Variants in MGRN1 observed in about 807,000 individuals in gnomAD.
The protein encoded by MGRN1 is E3 ubiquitin-protein ligase MGRN1.
In MGRN1, 29 loss-of-function variants were observed where a neutral mutation model predicts 69.2. The observed-to-expected ratio is 0.42, with a 90% CI of 0.31 to 0.57. The LOEUF is 0.57. MGRN1 is among the 20% of genes least tolerant of loss of function. The pLI, the probability that MGRN1 is intolerant of heterozygous loss-of-function variation, is 0.15. For synonymous variants in MGRN1, 470 were observed against 344.2 expected (o/e 1.37, Z -4.04); for missense variants, 998 against 796.2 (o/e 1.25, Z -3.05).
intron 12 of MGRN1, among the ~76,000 whole-genome samples, chr16:4,681,173 G>GC (rs2079174182): frequency 6.6e-6 from 1 of 152,168 alleles, no homozygotes; most frequent in South Asian, 2.1e-4. Flanking sequence ...CGTGTCTCTC[G>GC]CCTCTGGCAT....
chr16:4,655,654 G>A (rs1005544737), intron 4 of MGRN1, among the ~76,000 whole-genome samples: 17 of 152,082 alleles, frequency 1.1e-4, no homozygotes, highest in African/African-American at 4.1e-4. Context: ...CAGTGCCACT[G>A]TCCCCCTCTC....
rs373572089 is a variant in MGRN1, at chr16:4,650,317, CAAA to C, written c.89-32_89-30del. 0.011 allele frequency: 13,252 copies of C among 1,205,988 alleles called. 349 individuals are homozygous for C. In the African/African-American group the frequency reaches 0.15, roughly 14 times the overall value. 74.7% of individuals were successfully genotyped at this position (1,205,988 alleles called of 1,614,324 possible). A position where few individuals can be genotyped will look rare whatever the true frequency, so the allele number is the denominator to read the frequency against. ...TGCACTCTAGCCTGAGACTCTGTCTCAAAAAAAAAAAAAAAAAATCTATAATCG... is the reference window on the plus strand; with the variant it reads ...TGCACTCTAGCCTGAGACTCTGTCTCAAAAAAAAAAAAAAATCTATAATCG... On this transcript the variant is annotated intron_variant, in intron 1 of 16. Transcript: ENST00000262370.
intron 11 of MGRN1, 29 bp downstream of exon 11, chr16:4,677,601 G>A (rs1431135378): frequency 8.8e-6 from 14 of 1,590,558 alleles, no homozygotes; most frequent in Non-Finnish European, 1.1e-5. Context: ...CTGCGGGATG[G>A]GCGGGAGAGG....
chr16:4,688,480 C>G (rs1052318562), intron 16 of MGRN1: 1 of 1,142,608 alleles, frequency 8.8e-7, no homozygotes, highest in South Asian at 3.8e-5. Context: ...GAAACCGGAA[C>G]CAGGGCAAGG....
At chr16:4,651,908 C>G in intron 2 of MGRN1, 55 bp from the exon 3 acceptor site, 1 of 1,533,536 alleles carries the variant, frequency 6.5e-7, no homozygotes. Context: ...GACCCGTTTT[C>G]TGTTGTTGGC....
chr16:4,627,124 GGT>G (rs530643951), intron 1 of MGRN1, among the ~76,000 whole-genome samples: 30 of 152,284 alleles, frequency 2.0e-4, no homozygotes, highest in Middle Eastern at 3.4e-3. Context: ...GCAGCATTTT[GGT>G]GTGTTTCCCC....
At chr16:4,655,378 C>G (rs1160749697) in intron 4 of MGRN1, among the ~76,000 whole-genome samples, 1 of 152,218 alleles carries the variant, frequency 6.6e-6, no homozygotes, top group African/African-American at 2.4e-5. Context: ...TCCTAGACCC[C>G]TGCGGGCTAG....
chr16:4,678,857 C>T (rs76794753), intron 11 of MGRN1, among the ~76,000 whole-genome samples: 2,939 of 152,364 alleles, frequency 0.019, 39 homozygotes, highest in Non-Finnish European at 0.025. Flanking sequence ...TAGAAGGCTC[C>T]TCCCAAGCCC....
chr16:4,654,741 C>T (rs1286425399), intron 4 of MGRN1, among the ~76,000 whole-genome samples: 1 of 152,186 alleles, frequency 6.6e-6, no homozygotes, highest in African/African-American at 2.4e-5. Flanking sequence ...GTGACAGGTG[C>T]TCTTGAAAGG....
chr16:4,684,852 C>A (rs1260415536), intron 16 of MGRN1, among the ~76,000 whole-genome samples: 1 of 152,250 alleles, frequency 6.6e-6, no homozygotes, highest in Non-Finnish European at 1.5e-5. Flanking sequence ...TGGCTCTTCC[C>A]TCGCGGCTGC....
At chr16:4,684,048 T>A in intron 16 of MGRN1, 116 bp downstream of exon 16, 1 of 921,208 alleles carries the variant, frequency 1.1e-6, no homozygotes. Flanking sequence ...GGAGCCTGGT[T>A]CTCTCCCTGG....
chr16:4,668,606 TCA>T (rs1422024707), intron 8 of MGRN1, among the ~76,000 whole-genome samples: 6 of 149,924 alleles, frequency 4.0e-5, no homozygotes, highest in South Asian at 4.2e-4. Flanking sequence ...ACACATACAC[TCA>T]CACTCACATG....
At chr16:4,686,169 G>A (rs2079312534) in intron 16 of MGRN1, 1 of 1,456,814 alleles carries the variant, frequency 6.9e-7, no homozygotes, top group Non-Finnish European at 9.2e-7. Flanking sequence ...CCTCGACCGT[G>A]TCCCCAAGCT....
chr16:4,683,062 C>G, intron 14 of MGRN1, 116 bp downstream of exon 14: 2 of 1,476,822 alleles, frequency 1.4e-6, no homozygotes, highest in Admixed American at 2.2e-5. Context: ...TGCTTGTTGG[C>G]TCTTGCTGAG....
At chr16:4,625,142 C>T (rs1315606147) in intron 1 of MGRN1, 94 bp downstream of exon 1, 1 of 1,176,982 alleles carries the variant, frequency 8.5e-7, no homozygotes, top group Non-Finnish European at 1.1e-6. Flanking sequence ...GGGCGCCCTG[C>T]TCGGCCCCCT....
chr16:4,678,846 C>G (rs185760041), intron 11 of MGRN1, among the ~76,000 whole-genome samples: 98 of 152,374 alleles, frequency 6.4e-4, no homozygotes, highest in African/African-American at 2.3e-3. Context: ...CGCCTTTGCT[C>G]TAGAAGGCTC....
In MGRN1 at chr16:4,688,508, C is replaced by A. The variant is rs899567666; in HGVS notation, c.1619-288C>A. The A allele has an allele frequency of 5.0e-6, 6 of 1,200,774 alleles. No homozygotes were observed. In the Admixed American group the frequency reaches 2.1e-4, roughly 41 times the overall value. The allele number at this position is 1,200,774 out of a possible 1,614,324, so 74.4% of individuals were successfully genotyped here. A position where few individuals can be genotyped will look rare whatever the true frequency, so the allele number is the denominator to read the frequency against. ...GGGCAAGGGCAGGAGGCCCAGAGGG[C>A]ATCCACCGCGGTGCCGTGTCGCGCT... On this transcript the variant is annotated intron_variant, in intron 16 of 16. Coordinates refer to ENST00000262370, the MANE Select transcript of MGRN1 (RefSeq NM_015246.4).
At chr16:4,668,349 A>G in intron 8 of MGRN1, 37 bp downstream of exon 8, 8 of 1,606,054 alleles carry the variant, frequency 5.0e-6, no homozygotes, top group Non-Finnish European at 6.8e-6. Context: ...GCTTGAATTA[A>G]AAGACACACA....
Position 4,657,288 on chromosome 16 carries a change from C to G in MGRN1, c.486C>G (p.His162Gln). Reference protein sequence around the residue: ...KSPSLQSETVHYKRGVSQQFS... With the variant: ...KSPSLQSETVQYKRGVSQQFS... Reference sequence around the variant, plus strand: ...CCTCGCTACAGTCCGAGACCGTCCACTACAAGAGAGGGGTGAGCCAGCAGT... The same window carrying G: ...CCTCGCTACAGTCCGAGACCGTCCAGTACAAGAGAGGGGTGAGCCAGCAGT... Residue 162 changes from histidine to glutamine, a missense_variant, in exon 5 of 17, where the codon CAC becomes CAG. His to Gln is a conservative substitution (Grantham distance 24). Coordinates refer to ENST00000262370, the MANE Select transcript of MGRN1 (RefSeq NM_015246.4). The G allele has an allele frequency of 2.5e-6, 4 of 1,614,218 alleles. No individual in the cohort carries two copies. Among genetic ancestry groups the G allele is most frequent in the Non-Finnish European group, 3.4e-6 (4 of 1,180,012 alleles).
Sources: allele counts gnomAD v4.1 joint callset (sites outside exome capture counted in the v4.1 genomes callset), GRCh38; gene constraint gnomAD v4.1.1; transcripts MANE v1.5; gene names NCBI Gene and HGNC (gene_info 2026-07-23, HGNC 2026-07-21).